Variants in SCHIP1 observed in about 807,000 individuals in gnomAD.
SCHIP1 encodes the protein schwannomin-interacting protein 1.
In SCHIP1, 8 loss-of-function variants were observed where a neutral mutation model predicts 29.7. The ratio of observed to expected loss-of-function variants is 0.27; its 90% CI spans 0.16 to 0.49. The LOEUF (loss-of-function observed/expected upper bound fraction) is 0.49. SCHIP1 is among the 20% of genes least tolerant of loss of function. The pLI is 0.99. For missense variants in SCHIP1, 193 were observed against 294.6 expected, an observed-to-expected ratio of 0.66 and a Z score of 2.52; for synonymous variants, 76 against 94.9, an observed-to-expected ratio of 0.80 and a Z score of 1.16.
chr3:159,340,635 T>C, the SCHIP1 span, among the ~76,000 whole-genome samples: 2 of 152,284 alleles, frequency 1.3e-5, no homozygotes, highest in African/African-American at 4.8e-5. Flanking sequence ...TGTCCACCTT[T>C]ATTCTAAATC....
At chr3:159,540,988 A>T in the SCHIP1 span, among the ~76,000 whole-genome samples, 1 of 152,114 alleles carries the variant, frequency 6.6e-6, no homozygotes, top group African/African-American at 2.4e-5. Flanking sequence ...AGGAGCAATA[A>T]CAAAAAGACT....
chr3:159,386,403 A>G, the SCHIP1 span, among the ~76,000 whole-genome samples: 2 of 152,360 alleles, frequency 1.3e-5, no homozygotes, highest in East Asian at 1.9e-4. Flanking sequence ...ATGGAAAAAC[A>G]TTCCACGCTC....
At chr3:159,819,617 C>T in the SCHIP1 span, among the ~76,000 whole-genome samples, 2 of 152,184 alleles carry the variant, frequency 1.3e-5, no homozygotes, top group South Asian at 4.1e-4. Flanking sequence ...GTTAAAAAAA[C>T]ATTTCCCCTT....
chr3:159,276,807 G>A, the SCHIP1 span, among the ~76,000 whole-genome samples: 6 of 152,216 alleles, frequency 3.9e-5, no homozygotes, highest in Non-Finnish European at 8.8e-5. Context: ...TCAAATTCCA[G>A]TCCCTCTAAA....
chr3:159,323,867 G>A, the SCHIP1 span, among the ~76,000 whole-genome samples: 1 of 152,152 alleles, frequency 6.6e-6, no homozygotes, highest in Non-Finnish European at 1.5e-5. Flanking sequence ...AACTAGAAGT[G>A]GGACATCCTA....
chr3:159,849,089 A>C (rs549116982), intron 1 of SCHIP1, among the ~76,000 whole-genome samples: 7 of 152,188 alleles, frequency 4.6e-5, no homozygotes, highest in African/African-American at 1.7e-4. Flanking sequence ...AGAGGAGTGG[A>C]ATGGTCTTTT....
At chr3:159,843,058 C>T (rs1377270010) in intron 1 of SCHIP1, among the ~76,000 whole-genome samples, 6 of 108,274 alleles carry the variant, frequency 5.5e-5, no homozygotes, top group African/African-American at 1.9e-4. Context: ...GTTGCCCAGG[C>T]TGGAGTGCAG....
chr3:159,393,234 C>T, the SCHIP1 span, among the ~76,000 whole-genome samples: 4 of 152,156 alleles, frequency 2.6e-5, no homozygotes, highest in East Asian at 3.9e-4. Context: ...GATGAGTAGG[C>T]TGAGAAAATT....
chr3:159,755,759 G>A, the SCHIP1 span, among the ~76,000 whole-genome samples: 858 of 152,332 alleles, frequency 5.6e-3, 8 homozygotes, highest in African/African-American at 0.02. Flanking sequence ...AATACAATGG[G>A]GGTACAGGCA....
chr3:159,839,842 A>G, upstream of SCHIP1: 1 of 1,281,176 alleles, frequency 7.8e-7, no homozygotes. Context: ...AGAAGGTCAC[A>G]CCAGCTCCAG....
chr3:159,358,727 T>G, the SCHIP1 span, among the ~76,000 whole-genome samples: 1 of 152,124 alleles, frequency 6.6e-6, no homozygotes, highest in Admixed American at 6.6e-5. Flanking sequence ...AACTACAGTT[T>G]GTATGTCATG....
chr3:159,489,441 A>C, the SCHIP1 span, among the ~76,000 whole-genome samples: 3 of 152,188 alleles, frequency 2.0e-5, no homozygotes, highest in African/African-American at 7.2e-5. Context: ...GGAGATAAAA[A>C]CCATCTTTTA....
chr3:159,430,739 G>A, the SCHIP1 span, among the ~76,000 whole-genome samples: 1 of 152,104 alleles, frequency 6.6e-6, no homozygotes, highest in East Asian at 1.9e-4. Context: ...TACAGATAGG[G>A]GCAGGGATAA....
At chr3:159,490,437 G>C in the SCHIP1 span, among the ~76,000 whole-genome samples, 2 of 152,160 alleles carry the variant, frequency 1.3e-5, no homozygotes, top group Non-Finnish European at 2.9e-5. Flanking sequence ...AAAGAAGAAA[G>C]GATATCAGGA....
the SCHIP1 span, among the ~76,000 whole-genome samples, chr3:159,540,768 G>A: frequency 5.9e-5 from 9 of 152,158 alleles, no homozygotes; most frequent in South Asian, 1.0e-3. Context: ...AAACATTTAC[G>A]TTTTAATTTT....
At chr3:159,464,122 T>C in the SCHIP1 span, among the ~76,000 whole-genome samples, 1 of 152,288 alleles carries the variant, frequency 6.6e-6, no homozygotes, top group Admixed American at 6.5e-5. Flanking sequence ...CATAGGCCTT[T>C]TCCTGTATCA....
the SCHIP1 span, among the ~76,000 whole-genome samples, chr3:159,397,762 T>G: frequency 1.3e-5 from 2 of 152,238 alleles, no homozygotes; most frequent in Non-Finnish European, 2.9e-5. Flanking sequence ...CAGAGGTTAC[T>G]GCTGTCTTTT....
At chr3:159,403,833 AC>A in the SCHIP1 span, among the ~76,000 whole-genome samples, 1 of 152,138 alleles carries the variant, frequency 6.6e-6, no homozygotes, top group Admixed American at 6.5e-5. Flanking sequence ...CCCTCTCTCA[AC>A]CCTAGGCAGC....
At chr3:159,693,390 A>G in the SCHIP1 span, among the ~76,000 whole-genome samples, 1 of 152,236 alleles carries the variant, frequency 6.6e-6, no homozygotes, top group East Asian at 1.9e-4. Context: ...TGCCAACTTT[A>G]TATTTGGAAG....
Sources: gnomAD v4.1 joint callset for allele counts (sites outside exome capture counted in the v4.1 genomes callset) on GRCh38, gnomAD v4.1.1 for gene constraint, MANE v1.5 for transcripts, NCBI Gene and HGNC (gene_info 2026-07-23, HGNC 2026-07-21) for gene names.